Variants in RTL4 observed in about 807,000 individuals in gnomAD.
RTL4 encodes retrotransposon Gag like 4.
In RTL4, 4 loss-of-function variants were observed where a neutral mutation model predicts 5.3. The ratio of observed to expected loss-of-function variants is 0.75; its 90% confidence interval spans 0.37 to 1.72. The LOEUF is 1.72. Among genes scored for constraint, RTL4 ranks in the 40% most tolerant of loss-of-function variants. The pLI, the probability that RTL4 is intolerant of heterozygous loss-of-function variation, is 0.04. For synonymous variants in RTL4, 98 were observed against 87.3 expected, an observed-to-expected ratio of 1.12 and a Z score of -0.68; for missense variants, 260 against 227.1, an observed-to-expected ratio of 1.14 and a Z score of -0.93.
the RTL4 span, among the ~76,000 whole-genome samples, chrX:112,347,187 G>A: frequency 9.0e-6 from 1 of 111,717 alleles, no homozygotes; most frequent in African/African-American, 3.3e-5. Context: ...AAGAGGTGAG[G>A]AGTGAGATAA....
At chrX:112,455,521 C>A in exon 1 of RTL4, 1 of 1,211,565 alleles carries the variant, frequency 8.3e-7, no homozygotes, top group Non-Finnish European at 1.1e-6. Flanking sequence ...AGGCCAGCTG[C>A]CTCTCACCCC....
At chrX:112,277,236 C>T in the RTL4 span, among the ~76,000 whole-genome samples, 1 of 111,100 alleles carries the variant, frequency 9.0e-6, no homozygotes, top group African/African-American at 3.3e-5. Flanking sequence ...TGCTTTCTTC[C>T]CATACTCAGC....
chrX:112,350,925 C>T, the RTL4 span, among the ~76,000 whole-genome samples: 2 of 110,892 alleles, frequency 1.8e-5, no homozygotes, highest in African/African-American at 6.6e-5. Context: ...AATGTGTTTG[C>T]TCTTGCTTTT....
the RTL4 span, among the ~76,000 whole-genome samples, chrX:112,358,392 G>T: frequency 9.0e-6 from 1 of 110,893 alleles, no homozygotes; most frequent in Admixed American, 9.6e-5. Context: ...TGTGAAACAG[G>T]TGGTCACACT....
the RTL4 span, among the ~76,000 whole-genome samples, chrX:112,409,181 A>G: frequency 8.9e-6 from 1 of 112,436 alleles, no homozygotes; most frequent in African/African-American, 3.2e-5. Context: ...GAAAGACTAA[A>G]CCAGGAAACA....
the RTL4 span, among the ~76,000 whole-genome samples, chrX:112,294,181 G>A: frequency 8.9e-6 from 1 of 111,944 alleles, no homozygotes; most frequent in Non-Finnish European, 1.9e-5. Flanking sequence ...TGGTCTAGAT[G>A]AATTTTGTAC....
the RTL4 span, among the ~76,000 whole-genome samples, chrX:112,185,455 G>A: frequency 9.9e-6 from 1 of 101,361 alleles, no homozygotes; most frequent in Non-Finnish European, 2.0e-5. Flanking sequence ...TGATATGTAG[G>A]CAGAGAGATA....
the RTL4 span, among the ~76,000 whole-genome samples, chrX:112,174,743 G>A: frequency 2.1e-5 from 2 of 95,087 alleles, no homozygotes; most frequent in Non-Finnish European, 4.2e-5. Flanking sequence ...TCCAGCACCT[G>A]TCGTTTCCTG....
At chrX:112,248,577 T>A in the RTL4 span, among the ~76,000 whole-genome samples, 1 of 112,340 alleles carries the variant, frequency 8.9e-6, no homozygotes, top group African/African-American at 3.2e-5. Flanking sequence ...TCATATACCC[T>A]ATCATTCTTA....
the RTL4 span, among the ~76,000 whole-genome samples, chrX:112,205,461 A>ACCTATAC: frequency 3.6e-5 from 4 of 111,953 alleles, no homozygotes; most frequent in African/African-American, 1.3e-4. Flanking sequence ...AATTGTATAT[A>ACCTATAC]CCTATACAAA....
At chrX:112,303,554 C>G in the RTL4 span, among the ~76,000 whole-genome samples, 1 of 83,695 alleles carries the variant, frequency 1.2e-5, no homozygotes, top group Non-Finnish European at 2.2e-5. Flanking sequence ...GGGAATTGAA[C>G]AATGAGAACA....
the RTL4 span, among the ~76,000 whole-genome samples, chrX:112,099,202 AC>A: frequency 1.9e-4 from 21 of 111,461 alleles, no homozygotes; most frequent in Non-Finnish European, 3.6e-4. Context: ...AAAACAAACA[AC>A]CCCATCAAAA....
the RTL4 span, among the ~76,000 whole-genome samples, chrX:112,396,631 ATATCT>A: frequency 9.0e-6 from 1 of 111,402 alleles, no homozygotes; most frequent in Non-Finnish European, 1.9e-5. Flanking sequence ...CCTATTATTA[ATATCT>A]TATGTTAGTA....
At chrX:112,253,541 G>A in the RTL4 span, among the ~76,000 whole-genome samples, 1 of 112,519 alleles carries the variant, frequency 8.9e-6, no homozygotes, top group African/African-American at 3.2e-5. Context: ...GACTTACAGA[G>A]ATGGAGCTCA....
At chrX:112,364,892 T>C in the RTL4 span, among the ~76,000 whole-genome samples, 1 of 111,985 alleles carries the variant, frequency 8.9e-6, no homozygotes, top group Non-Finnish European at 1.9e-5. Context: ...TTAATTCAAT[T>C]CAACAAATAT....
the RTL4 span, among the ~76,000 whole-genome samples, chrX:112,380,477 A>T: frequency 8.9e-6 from 1 of 111,995 alleles, no homozygotes; most frequent in Non-Finnish European, 1.9e-5. Flanking sequence ...TAAACCTTTT[A>T]TCAAAGAGTA....
chrX:112,243,829 C>T, the RTL4 span, among the ~76,000 whole-genome samples: 45 of 111,718 alleles, frequency 4.0e-4, no homozygotes, highest in Non-Finnish European at 5.5e-4. Flanking sequence ...CTCTTGTGGG[C>T]ATTTAGTGCT....
At chrX:112,188,157 A>G in the RTL4 span, among the ~76,000 whole-genome samples, 2 of 111,367 alleles carry the variant, frequency 1.8e-5, no homozygotes, top group Non-Finnish European at 3.8e-5. Context: ...GAAATAACTG[A>G]GGCTCAAAAA....
At chrX:112,213,123 C>A in the RTL4 span, among the ~76,000 whole-genome samples, 1 of 112,805 alleles carries the variant, frequency 8.9e-6, no homozygotes, top group African/African-American at 3.2e-5. Context: ...ATAACAGAAT[C>A]ATGAGTCGCA....
Sources: gnomAD v4.1 joint callset for allele counts (sites outside exome capture counted in the v4.1 genomes callset) on GRCh38, gnomAD v4.1.1 for gene constraint, MANE v1.5 for transcripts, NCBI Gene and HGNC (gene_info 2026-07-23, HGNC 2026-07-21) for gene names.